Variants in KIF11 observed in about 807,000 individuals in gnomAD.
The protein encoded by KIF11 is kinesin-like protein KIF11.
A neutral mutation model predicts 121.0 loss-of-function variants in KIF11; 9 were observed. The ratio of observed to expected loss-of-function variants is 0.07; its 90% CI spans 0.04 to 0.13. The LOEUF (loss-of-function observed/expected upper bound fraction) is 0.13, where lower values mean the gene tolerates loss of function less well. KIF11 is among the 10% of genes least tolerant of loss of function. KIF11 has a pLI of 1.00. For synonymous variants in KIF11, 408 were observed against 421.0 expected, an observed-to-expected ratio of 0.97 and a Z score of 0.38; for missense variants, 846 against 1,217.5, an observed-to-expected ratio of 0.69 and a Z score of 4.54.
chr10:92,603,263 C>CTTTTTTTTTTTTTTTTT (rs368046931), intron 1 of KIF11, among the ~76,000 whole-genome samples: 9 of 109,172 alleles, frequency 8.2e-5, no homozygotes, highest in East Asian at 5.6e-4. Flanking sequence ...CTTTTCTTTT[C>CTTTTTTTTTTTTTTTTT]TTTTTTTTTT....
chr10:92,601,118 A>G (rs1417607817), intron 1 of KIF11, among the ~76,000 whole-genome samples: 1 of 152,118 alleles, frequency 6.6e-6, no homozygotes, highest in Non-Finnish European at 1.5e-5. Flanking sequence ...TTGGCCTCCC[A>G]AAGTGCTGGG....
chr10:92,602,216 G>A (rs966501502), intron 1 of KIF11, among the ~76,000 whole-genome samples: 2 of 152,200 alleles, frequency 1.3e-5, no homozygotes, highest in Middle Eastern at 3.4e-3. Flanking sequence ...GTGATCTGTA[G>A]TTTTCTTGTA....
At chr10:92,597,141 G>A (rs998787951) in intron 1 of KIF11, 3 of 277,900 alleles carry the variant, frequency 1.1e-5, no homozygotes, top group Non-Finnish European at 2.2e-5. Context: ...TTGTGCAGTG[G>A]GTGGCAATCT....
rs970730944 is a variant in KIF11, at chr10:92,613,190, A to AT, written c.789+64dup. 6.4e-5 allele frequency: 88 copies of AT among 1,373,900 alleles called. No homozygotes were observed. The African/African-American group carries it at 1.2e-3, about 18-fold the overall frequency. The allele number at this position is 1,373,900 out of a possible 1,614,324, so 85.1% of individuals were successfully genotyped here. A position where few individuals can be genotyped will look rare whatever the true frequency, so the allele number is the denominator to read the frequency against. ...TAAACACCTTATAGAGCAGCTTGAA[A>AT]TTTTGTCCTTGAGACAAAATTTTTG... On this transcript the variant is annotated intron_variant, in intron 7 of 21. Coordinates refer to ENST00000260731, the MANE Select transcript of KIF11 (RefSeq NM_004523.4). This position sits in a 1 kb window ranked among gnomAD's most constrained non-coding sequence, Gnocchi z 4.2.
At chr10:92,628,987 A>ATT (rs747365969) in intron 11 of KIF11, 92 bp downstream of exon 11, 57 of 613,712 alleles carry the variant, frequency 9.3e-5, no homozygotes, top group Non-Finnish European at 9.5e-5. Context: ...TTCCTTCAAG[A>ATT]TTTTTTTTTT....
chr10:92,605,745 C>T (rs985617160), intron 1 of KIF11, among the ~76,000 whole-genome samples: 1 of 152,176 alleles, frequency 6.6e-6, no homozygotes, highest in Non-Finnish European at 1.5e-5. Context: ...CTCGGCCTCC[C>T]AAAGTGCTGG....
chr10:92,620,159 C>T (rs539697718), intron 9 of KIF11, among the ~76,000 whole-genome samples: 29 of 149,758 alleles, frequency 1.9e-4, no homozygotes, highest in Non-Finnish European at 3.7e-4. Context: ...CGGCTCACTG[C>T]AAGCTTCACC....
intron 6 of KIF11, among the ~76,000 whole-genome samples, chr10:92,612,550 AG>A (rs1263734054): frequency 6.6e-6 from 1 of 152,232 alleles, no homozygotes; most frequent in Non-Finnish European, 1.5e-5. Context: ...GTTAGGGGAT[AG>A]GAGTCATCTA....
rs542015059 is a variant in KIF11, at chr10:92,648,162, C to T, written c.2548-50C>T. ...AGGGAAAATATGATGTTGAATAAAA[C>T]ACTGGCAACTTTAATTTTAGTAATA... is the stretch of plus-strand genomic sequence containing the variant. On this transcript the variant is annotated intron_variant, in intron 18 of 21. Transcript: ENST00000260731. 141 of 1,210,256 alleles carry T rather than the reference C, an allele frequency of 1.2e-4. 1 individual carries two copies. In the South Asian group the frequency reaches 1.7e-3, roughly 14 times the overall value. The allele number at this position is 1,210,256 out of a possible 1,614,324, so 75.0% of individuals were successfully genotyped here.
At chr10:92,602,825 C>CACACGT (rs1457102223) in intron 1 of KIF11, among the ~76,000 whole-genome samples, 6 of 122,382 alleles carry the variant, frequency 4.9e-5, no homozygotes, top group African/African-American at 1.4e-4. Context: ...CACACACACA[C>CACACGT]GTGTGTGTGT....
chr10:92,601,060 A>C (rs2135897370), intron 1 of KIF11, among the ~76,000 whole-genome samples: 1 of 152,226 alleles, frequency 6.6e-6, no homozygotes, highest in East Asian at 1.9e-4. Context: ...GGAGTTCATC[A>C]TCTTGGCTAG....
chr10:92,649,905 C>T lies in KIF11; in HGVS notation c.2841C>T (p.Leu947=), dbSNP rs1402705395. 2 of 1,613,256 alleles carry T rather than the reference C, an allele frequency of 1.2e-6. No homozygotes were observed. The highest frequency in any genetic ancestry group is 1.7e-6 in the Non-Finnish European group (2 of 1,179,316). The change falls in exon 20 of 22, where the codon CTC becomes CTT. Residue 947 remains leucine, a synonymous_variant. Transcript: ENST00000260731. ...TLVRTEPREH[L]LDQLKRKQPE... ...TAAGAACTGAACCACGTGAACATCT[C>T]CTTGATCAGCTGAAAAGGAAACAGC...
At chr10:92,640,560 TA>T (rs1342444734) in intron 17 of KIF11, among the ~76,000 whole-genome samples, 2 of 152,088 alleles carry the variant, frequency 1.3e-5, no homozygotes, top group East Asian at 3.9e-4. Flanking sequence ...GCCTCCCGAG[TA>T]GCTGGGACTA....
chr10:92,634,377 C>A (rs1391318185), intron 14 of KIF11, among the ~76,000 whole-genome samples: 2 of 152,022 alleles, frequency 1.3e-5, no homozygotes, highest in Non-Finnish European at 1.5e-5. Context: ...TCAAGCAGTT[C>A]TCTTGCCTCA....
At chr10:92,620,359 C>T (rs564944528) in intron 9 of KIF11, among the ~76,000 whole-genome samples, 20 of 152,220 alleles carry the variant, frequency 1.3e-4, no homozygotes, top group African/African-American at 3.9e-4. Context: ...GGATTACAGG[C>T]GTGAGCCACC....
At position 92,654,674 on chromosome 10, in the gene KIF11, C is replaced by G. The variant is rs1191393043; in HGVS notation, c.*878C>G. The G allele has an allele frequency of 1.3e-5, 2 of 152,174 alleles. No individual in the cohort carries two copies. The highest frequency in any genetic ancestry group is 2.9e-5 in the Non-Finnish European group (2 of 68,018). 9.4% of individuals were successfully genotyped at this position (152,174 alleles called of 1,614,324 possible). On this transcript the variant is annotated 3_prime_UTR_variant, in exon 22 of 22. Coordinates refer to ENST00000260731, the MANE Select transcript of KIF11 (RefSeq NM_004523.4). ...TTTTTAGTGGTTATTTCTAAAATCA[C>G]TGTCAACAATAAATCTAACCCTAGT...
chr10:92,630,424 C>T (rs1844724551), intron 12 of KIF11, 60 bp downstream of exon 12: 1 of 1,048,854 alleles, frequency 9.5e-7, no homozygotes, highest in South Asian at 2.2e-5. Context: ...AAAAAATTTT[C>T]TGTGCTTAAG....
chr10:92,618,342 A>G (rs965344025), intron 9 of KIF11, among the ~76,000 whole-genome samples: 1 of 151,508 alleles, frequency 6.6e-6, no homozygotes, highest in African/African-American at 2.4e-5. Context: ...TGCAGTTATA[A>G]GAAATAATAC....
At position 92,593,386 on chromosome 10, in the gene KIF11, A is replaced by G; in HGVS notation, c.11A>G (p.Gln4Arg). 2 of 1,609,004 alleles carry G rather than the reference A, an allele frequency of 1.2e-6. No homozygotes were observed. The highest frequency in any genetic ancestry group is 2.2e-5 in the East Asian group (1 of 44,784). MAS[Q>R]PNSSAKKKEE... ...TTGGCGGGGACCGTCATGGCGTCGC[A>G]GCCAAATTCGTCTGCGAAGAAGAAA... Residue 4 changes from glutamine (Q) to arginine (R), a missense_variant, in exon 1 of 22, where the codon CAG (glutamine) becomes CGG (arginine). This residue lies in a region of KIF11 where 140 missense variants were observed against 193.5 expected (regional missense o/e 0.72). Coordinates refer to ENST00000260731, the MANE Select transcript of KIF11 (RefSeq NM_004523.4).
Sources: allele counts gnomAD v4.1 joint callset (sites outside exome capture counted in the v4.1 genomes callset), GRCh38; gene constraint gnomAD v4.1.1; regional missense constraint gnomAD v4.1.1; non-coding constraint Gnocchi (gnomAD v3.1); transcripts MANE v1.5; gene names NCBI Gene and HGNC (gene_info 2026-07-23, HGNC 2026-07-21).